Variants in CA10 observed in about 807,000 individuals in gnomAD.
CA10 encodes carbonic anhydrase-related protein 10.
In CA10, 14 loss-of-function variants were observed where a neutral mutation model predicts 44.2. That is an observed-to-expected ratio of 0.32 (90% CI 0.21 to 0.50). The LOEUF is 0.50. Ranked by LOEUF, CA10 falls within the 20% of genes least tolerant of loss-of-function variation. The pLI is 0.99. For synonymous variants in CA10, 159 were observed against 141.6 expected (o/e 1.12, Z -0.87); for missense variants, 350 against 409.7 (o/e 0.85, Z 1.26).
chr17:51,780,583 G>C (rs1474717407), intron 3 of CA10, among the ~76,000 whole-genome samples: 6 of 152,172 alleles, frequency 3.9e-5, no homozygotes, highest in Non-Finnish European at 5.9e-5. Flanking sequence ...GAGGGGTAAG[G>C]ATGCAAGGTC....
intron 3 of CA10, among the ~76,000 whole-genome samples, chr17:51,800,453 C>A (rs1416091479): frequency 6.6e-6 from 1 of 152,030 alleles, no homozygotes; most frequent in Non-Finnish European, 1.5e-5. Context: ...ACAAAAAAAA[C>A]ATTAAATTAT....
intron 1 of CA10, among the ~76,000 whole-genome samples, chr17:52,116,047 G>C (rs970636970): frequency 4.0e-5 from 6 of 151,174 alleles, no homozygotes; most frequent in Non-Finnish European, 7.4e-5. Context: ...AGCTGAGATT[G>C]GGCCACTGCA....
intron 2 of CA10, among the ~76,000 whole-genome samples, chr17:52,004,914 G>C (rs1324295512): frequency 6.6e-6 from 1 of 151,854 alleles, no homozygotes; most frequent in South Asian, 2.1e-4. Context: ...TTTGCTAATT[G>C]TTCTCAGACA....
chr17:52,060,523 C>T (rs573007299), intron 2 of CA10, among the ~76,000 whole-genome samples: 24 of 152,232 alleles, frequency 1.6e-4, no homozygotes, highest in South Asian at 4.1e-4. Context: ...TATATGGAAA[C>T]TCCCTGTATA....
At chr17:51,922,959 G>T (rs1193166715) in intron 3 of CA10, among the ~76,000 whole-genome samples, 1 of 152,034 alleles carries the variant, frequency 6.6e-6, no homozygotes, top group Non-Finnish European at 1.5e-5. Context: ...CTCCTGGAAA[G>T]GATATAATTG....
At chr17:52,157,173 G>A (rs992372470) in intron 1 of CA10, among the ~76,000 whole-genome samples, 24 of 152,178 alleles carry the variant, frequency 1.6e-4, no homozygotes, top group Non-Finnish European at 8.8e-5. Context: ...GGGGGGTAGA[G>A]GAGGGTGTGT....
At chr17:51,843,001 A>G (rs1457551278) in intron 3 of CA10, among the ~76,000 whole-genome samples, 2 of 152,236 alleles carry the variant, frequency 1.3e-5, no homozygotes, top group African/African-American at 4.8e-5. Flanking sequence ...GACCATCTCC[A>G]TTGCTAAAAA....
intron 3 of CA10, among the ~76,000 whole-genome samples, chr17:51,838,496 G>A (rs1199774537): frequency 2.0e-5 from 3 of 152,210 alleles, no homozygotes; most frequent in African/African-American, 7.2e-5. Flanking sequence ...AGTGGCTTGT[G>A]CACTAACTCA....
At chr17:51,907,351 G>A (rs933239966) in intron 3 of CA10, among the ~76,000 whole-genome samples, 1 of 152,006 alleles carries the variant, frequency 6.6e-6, no homozygotes, top group African/African-American at 2.4e-5. Context: ...GAAGAGGTTG[G>A]CTCCTCTTCC....
At chr17:51,815,755 ATTTATT>A (rs1271261405) in intron 3 of CA10, among the ~76,000 whole-genome samples, 2 of 152,032 alleles carry the variant, frequency 1.3e-5, no homozygotes, top group Non-Finnish European at 2.9e-5. Context: ...CTCTTTAAAA[ATTTATT>A]TTTAAGTTTT....
chr17:51,841,946 T>C (rs1022769039), intron 3 of CA10, among the ~76,000 whole-genome samples: 28 of 152,204 alleles, frequency 1.8e-4, no homozygotes, highest in Admixed American at 5.2e-4. Flanking sequence ...GTCTTTTCCT[T>C]CTGCCTCTTT....
intron 2 of CA10, among the ~76,000 whole-genome samples, chr17:52,057,732 G>T (rs961367799): frequency 2.0e-5 from 3 of 152,036 alleles, no homozygotes; most frequent in African/African-American, 7.2e-5. Flanking sequence ...TTTTATCACT[G>T]GCATTTTTAC....
intron 1 of CA10, among the ~76,000 whole-genome samples, chr17:52,082,724 G>A (rs745702440): frequency 3.9e-5 from 6 of 152,114 alleles, no homozygotes; most frequent in Non-Finnish European, 7.4e-5. Flanking sequence ...GTACTTTCAG[G>A]ATAACTACAT....
intron 3 of CA10, among the ~76,000 whole-genome samples, chr17:51,865,451 G>A (rs995441698): frequency 6.6e-6 from 1 of 152,170 alleles, no homozygotes; most frequent in Admixed American, 6.6e-5. Context: ...GACTCCTCTT[G>A]GGTAGTGAAA....
chr17:52,025,541 A>G (rs1373299601), intron 2 of CA10, among the ~76,000 whole-genome samples: 2 of 152,086 alleles, frequency 1.3e-5, no homozygotes, highest in Non-Finnish European at 2.9e-5. Flanking sequence ...TTCACATAGG[A>G]CTAGATGGAT....
At chr17:51,692,568 C>T (rs1915250121) in intron 4 of CA10, among the ~76,000 whole-genome samples, 1 of 152,114 alleles carries the variant, frequency 6.6e-6, no homozygotes, top group South Asian at 2.1e-4. Flanking sequence ...ATGACCACTC[C>T]AGTACTATGT....
intron 2 of CA10, among the ~76,000 whole-genome samples, chr17:51,957,904 TCCC>T: frequency 6.6e-6 from 1 of 151,622 alleles, no homozygotes; most frequent in Admixed American, 6.6e-5. Flanking sequence ...CCTTTCTCAC[TCCC>T]CCCGAGAGGG....
At chr17:51,642,902 C>T (rs1163616182) in intron 6 of CA10, among the ~76,000 whole-genome samples, 1 of 152,166 alleles carries the variant, frequency 6.6e-6, no homozygotes. Flanking sequence ...CTCAGCCTCC[C>T]AAAGTGCTGG....
At chr17:51,854,383 A>G (rs932499608) in intron 3 of CA10, among the ~76,000 whole-genome samples, 139 of 152,296 alleles carry the variant, frequency 9.1e-4, no homozygotes, top group Non-Finnish European at 1.9e-3. Context: ...TGTGGCTGGG[A>G]AATATTTCTC....
Sources: allele counts gnomAD v4.1 joint callset (sites outside exome capture counted in the v4.1 genomes callset), GRCh38; gene constraint gnomAD v4.1.1; transcripts MANE v1.5; gene names NCBI Gene and HGNC (gene_info 2026-07-23, HGNC 2026-07-21).